Variants in IGSF11 observed in about 807,000 individuals in gnomAD.
IGSF11 encodes the protein immunoglobulin superfamily member 11.
IGSF11 carries 22 observed loss-of-function variants against 41.0 expected under a neutral mutation model. The ratio of observed to expected loss-of-function variants is 0.54; its 90% confidence interval spans 0.38 to 0.77. The LOEUF (loss-of-function observed/expected upper bound fraction) is 0.77, where lower values mean the gene tolerates loss of function less well. Among genes scored for constraint, IGSF11 ranks in the 30% least tolerant of loss-of-function variants. IGSF11 has a pLI of 0.00. For synonymous variants in IGSF11, 219 were observed against 201.3 expected, an observed-to-expected ratio of 1.09 and a Z score of -0.74; for missense variants, 444 against 530.8, an observed-to-expected ratio of 0.84 and a Z score of 1.61.
chr3:119,102,570 T>C (rs1309306714), intron 1 of IGSF11, among the ~76,000 whole-genome samples: 1 of 152,212 alleles, frequency 6.6e-6, no homozygotes, highest in African/African-American at 2.4e-5. Flanking sequence ...ATCCAAGACA[T>C]TTTTTGTTTC....
intron 1 of IGSF11, among the ~76,000 whole-genome samples, chr3:119,052,310 T>C (rs529979393): frequency 6.6e-6 from 1 of 152,110 alleles, no homozygotes; most frequent in African/African-American, 2.4e-5. Flanking sequence ...TGAAACTCTG[T>C]CTCTACTAAG....
At chr3:119,104,529 G>A (rs956069508) in intron 1 of IGSF11, among the ~76,000 whole-genome samples, 4 of 152,106 alleles carry the variant, frequency 2.6e-5, no homozygotes, top group Admixed American at 6.6e-5. Context: ...AAAGCACTGT[G>A]CTAAGCAATT....
chr3:118,930,327 A>G (rs535944861), intron 1 of IGSF11, 52 bp from the exon 2 acceptor site: 1 of 1,528,900 alleles, frequency 6.5e-7, no homozygotes, highest in East Asian at 2.3e-5. Flanking sequence ...CCAACAGTCC[A>G]AACTCCTTCA....
chr3:118,972,890 T>C (rs750309981), intron 1 of IGSF11, among the ~76,000 whole-genome samples: 4 of 152,068 alleles, frequency 2.6e-5, no homozygotes, highest in African/African-American at 4.8e-5. Flanking sequence ...CATAAATGAA[T>C]AGAGTTGGAG....
chr3:119,124,772 A>G (rs2077381001), intron 1 of IGSF11, among the ~76,000 whole-genome samples: 1 of 152,132 alleles, frequency 6.6e-6, no homozygotes, highest in Admixed American at 6.5e-5. Context: ...TAATAACAGA[A>G]AAGTTCCTAA....
rs780634273 is a variant in IGSF11 at position 118,902,834 on chromosome 3, C to T, written c.982G>A (p.Val328Ile). 6 of 1,614,146 alleles carry T rather than the reference C, an allele frequency of 3.7e-6. No homozygotes were observed. The South Asian group carries it at 5.5e-5, about 15-fold the overall frequency. The part of the protein sequence containing the change: ...NSRYWSNNPK[V>I]HRNTESVSHF... ...CTGACTGACTCTGTGTTTCTATGAA[C>T]TTTTGGATTGTTGCTCCAGTATCGA... Residue 328 changes from valine (V) to isoleucine (I), a missense_variant, in exon 7 of 7, where the codon GTT (valine) becomes ATT (isoleucine). Around this residue, in one of 3 missense-constraint regions of IGSF11, gnomAD observed 223 missense variants for 226.2 expected, o/e 0.99. Coordinates refer to ENST00000393775, the MANE Select transcript of IGSF11 (RefSeq NM_001015887.3).
At chr3:118,969,083 T>C (rs1235876704) in intron 1 of IGSF11, among the ~76,000 whole-genome samples, 2 of 152,008 alleles carry the variant, frequency 1.3e-5, no homozygotes, top group African/African-American at 2.4e-5. Context: ...AAACAGGGTA[T>C]GGCCCATGTT....
chr3:119,023,327 C>A (rs1939497667), intron 1 of IGSF11, among the ~76,000 whole-genome samples: 1 of 133,240 alleles, frequency 7.5e-6, no homozygotes, highest in Non-Finnish European at 1.6e-5. Context: ...GTAAGAAGAT[C>A]ACGAAGATGA....
intron 1 of IGSF11, among the ~76,000 whole-genome samples, chr3:119,020,275 G>C (rs886743512): frequency 6.6e-6 from 1 of 152,086 alleles, no homozygotes; most frequent in East Asian, 1.9e-4. Context: ...GACACTACTA[G>C]GTCTCTCATA....
chr3:119,062,940 C>A (rs1039383048), intron 1 of IGSF11, among the ~76,000 whole-genome samples: 1 of 152,146 alleles, frequency 6.6e-6, no homozygotes, highest in Non-Finnish European at 1.5e-5. Context: ...TAACTCCCCT[C>A]CCCTCACTAT....
chr3:119,105,959 G>A (rs190407723), upstream of IGSF11, among the ~76,000 whole-genome samples: 11 of 151,972 alleles, frequency 7.2e-5, no homozygotes, highest in African/African-American at 9.6e-5. Context: ...CTTTCTACAC[G>A]GAGGCAAAAA....
chr3:119,129,891 G>T lies in IGSF11; in HGVS notation c.-14+15922C>A, dbSNP rs192883954. 3.4e-4 allele frequency among the ~76,000 whole-genome samples: 52 copies of T among 152,178 alleles called. 1 individual carries two copies. Among genetic ancestry groups the T allele is most frequent in the Admixed American group, 3.1e-3 (48 of 15,264 alleles). ...GCCCAGCTACTCAGGGAGCTGAGGT[G>T]AGAGGATTGCTTGAGTCCAGGAGGT... On this transcript the variant is annotated intron_variant, in intron 1 of 7. Transcript: ENST00000425327.
At chr3:118,914,495 G>A (rs978384803) in intron 4 of IGSF11, among the ~76,000 whole-genome samples, 3 of 151,564 alleles carry the variant, frequency 2.0e-5, no homozygotes, top group South Asian at 2.1e-4. Flanking sequence ...AAGGGGTGAC[G>A]GACGCACCTG....
upstream of IGSF11, among the ~76,000 whole-genome samples, chr3:119,107,613 T>C (rs1232977633): frequency 6.6e-6 from 1 of 152,154 alleles, no homozygotes; most frequent in Admixed American, 6.5e-5. Flanking sequence ...TTGTCAATTT[T>C]GGCTTTTGTT....
chr3:119,062,013 T>C (rs1461430966), intron 1 of IGSF11, among the ~76,000 whole-genome samples: 1 of 152,182 alleles, frequency 6.6e-6, no homozygotes, highest in Non-Finnish European at 1.5e-5. Flanking sequence ...TTAACCTCTG[T>C]ATATCTCAAC....
chr3:119,084,699 C>T (rs1040440133), intron 1 of IGSF11, among the ~76,000 whole-genome samples: 2 of 152,240 alleles, frequency 1.3e-5, no homozygotes, highest in South Asian at 4.1e-4. Context: ...AGCGTGCATA[C>T]AGTGCAGGCT....
intron 1 of IGSF11, among the ~76,000 whole-genome samples, chr3:118,972,756 G>A (rs2107620570): frequency 6.6e-6 from 1 of 152,250 alleles, no homozygotes; most frequent in East Asian, 1.9e-4. Flanking sequence ...TGTAGCCCAG[G>A]GTTTCACTTG....
chr3:119,117,430 A>C (rs758466196), intron 1 of IGSF11, among the ~76,000 whole-genome samples: 9 of 152,100 alleles, frequency 5.9e-5, no homozygotes, highest in Non-Finnish European at 1.2e-4. Context: ...TGTGCAGGGA[A>C]ACACCTCTTT....
At chr3:119,138,662 G>A (rs1342718957) in intron 1 of IGSF11, among the ~76,000 whole-genome samples, 1 of 152,140 alleles carries the variant, frequency 6.6e-6, no homozygotes, top group South Asian at 2.1e-4. Context: ...TACAGCCTGG[G>A]CAACATAGCA....
Sources: allele counts gnomAD v4.1 joint callset (sites outside exome capture counted in the v4.1 genomes callset), GRCh38; gene constraint gnomAD v4.1.1; regional missense constraint gnomAD v4.1.1; transcripts MANE v1.5; gene names NCBI Gene and HGNC (gene_info 2026-07-23, HGNC 2026-07-21).